Variants in HDAC4 observed in about 807,000 individuals in gnomAD.
The protein encoded by HDAC4 is histone deacetylase A.
In HDAC4, 16 loss-of-function variants were observed where a neutral mutation model predicts 135.1. The observed-to-expected ratio is 0.12, with a 90% CI of 0.08 to 0.18. The LOEUF (loss-of-function observed/expected upper bound fraction) is 0.18. HDAC4 is among the 10% of genes least tolerant of loss of function. The pLI is 1.00. For synonymous variants in HDAC4, 685 were observed against 653.4 expected, an observed-to-expected ratio of 1.05 and a Z score of -0.74; for missense variants, 1,143 against 1,511.8, an observed-to-expected ratio of 0.76 and a Z score of 4.05.
chr2:239,242,171 A>G (rs369680313), intron 2 of HDAC4, among the ~76,000 whole-genome samples: 2 of 147,326 alleles, frequency 1.4e-5, no homozygotes, highest in Non-Finnish European at 3.0e-5. Flanking sequence ...AGAAAAGAGA[A>G]AGAAAGAGAG....
intron 12 of HDAC4, among the ~76,000 whole-genome samples, chr2:239,125,089 G>T (rs375272552): frequency 6.6e-6 from 1 of 152,226 alleles, no homozygotes; most frequent in African/African-American, 2.4e-5. Context: ...TGGCTATCAC[G>T]ACTGATACGG....
chr2:239,267,261 C>T (rs189388452), intron 2 of HDAC4, among the ~76,000 whole-genome samples: 8 of 152,314 alleles, frequency 5.3e-5, no homozygotes, highest in African/African-American at 1.2e-4. Context: ...AATTACACTT[C>T]GTAAACACTA....
At chr2:239,128,860 G>C (rs1343034113) in intron 11 of HDAC4, among the ~76,000 whole-genome samples, 2 of 152,166 alleles carry the variant, frequency 1.3e-5, no homozygotes, top group African/African-American at 4.8e-5. Context: ...CAGCTTCCTG[G>C]TGTGACACAC....
chr2:239,083,708 C>G (rs2035582397), intron 20 of HDAC4, among the ~76,000 whole-genome samples: 1 of 152,076 alleles, frequency 6.6e-6, no homozygotes, highest in African/African-American at 2.4e-5. Context: ...GCAGTGGCAC[C>G]CCCCATTCCA....
intron 1 of HDAC4, among the ~76,000 whole-genome samples, chr2:239,384,635 C>T (rs1245816135): frequency 3.3e-5 from 5 of 151,884 alleles, no homozygotes. Flanking sequence ...GCAAAGGAAA[C>T]GGAAGAAAAG....
intron 16 of HDAC4, among the ~76,000 whole-genome samples, chr2:239,097,100 C>T (rs77969718): frequency 0.016 from 2,394 of 152,322 alleles, 27 homozygotes; most frequent in Middle Eastern, 0.031. Context: ...GATGCTGTGA[C>T]GTTTTCCAGA....
chr2:239,091,272 A>G (rs2036481272), intron 17 of HDAC4: 1 of 152,180 alleles, frequency 6.6e-6, no homozygotes, highest in Non-Finnish European at 1.5e-5. Context: ...GGAGGTGTTA[A>G]GATGAAATAC....
intron 2 of HDAC4, among the ~76,000 whole-genome samples, chr2:239,258,309 C>A (rs1388553134): frequency 6.6e-6 from 1 of 151,290 alleles, no homozygotes; most frequent in Middle Eastern, 3.2e-3. Context: ...AAAGGAGACA[C>A]TGAACGGGTC....
At chr2:239,217,574 C>T (rs1417212424) in intron 3 of HDAC4, among the ~76,000 whole-genome samples, 9 of 151,994 alleles carry the variant, frequency 5.9e-5, no homozygotes, top group African/African-American at 2.2e-4. Flanking sequence ...GTGTCTGTGC[C>T]GACGGGCTAC....
At chr2:239,366,668 A>G (rs10164440) in intron 1 of HDAC4, among the ~76,000 whole-genome samples, 11,421 of 152,252 alleles carry the variant, frequency 0.075, 956 homozygotes, top group African/African-American at 0.21. Context: ...AGACACACAG[A>G]AGGCCCAAGG....
Position 239,389,378 on chromosome 2 carries a change from C to T in HDAC4, c.-220+11600G>A, listed in dbSNP as rs527642038. Among the ~76,000 whole-genome samples, 8 of 152,276 alleles carry T rather than the reference C, an allele frequency of 5.3e-5. No individual in the cohort carries two copies. In the East Asian group the frequency reaches 1.4e-3, roughly 26 times the overall value. On this transcript the variant is annotated intron_variant, in intron 1 of 26. Transcript: ENST00000543185. Reference sequence around the variant, plus strand: ...AGTTGTAACACTTGCCGCGAAGGTCCGCAGCTTCATTCTTGAAGTCAGCAA... The same window carrying T: ...AGTTGTAACACTTGCCGCGAAGGTCTGCAGCTTCATTCTTGAAGTCAGCAA...
At chr2:239,116,633 G>A (rs1261469086) in intron 12 of HDAC4, among the ~76,000 whole-genome samples, 2 of 152,174 alleles carry the variant, frequency 1.3e-5, no homozygotes, top group African/African-American at 2.4e-5. Flanking sequence ...GCTTTCAAAC[G>A]GGCCAGTGGA....
chr2:239,238,193 C>CT (rs891980429), intron 2 of HDAC4, among the ~76,000 whole-genome samples: 1 of 151,936 alleles, frequency 6.6e-6, no homozygotes, highest in Non-Finnish European at 1.5e-5. Context: ...CTTTTCAAGC[C>CT]TTTTTTTCCC....
chr2:239,345,195 A>T (rs1288298701), intron 2 of HDAC4, among the ~76,000 whole-genome samples: 1 of 152,156 alleles, frequency 6.6e-6, no homozygotes, highest in Non-Finnish European at 1.5e-5. Flanking sequence ...CCAGAAGCTC[A>T]GAATCAAGGT....
At chr2:239,120,404 C>CACACACACACAG (rs1559466953) in intron 12 of HDAC4, among the ~76,000 whole-genome samples, 2 of 107,744 alleles carry the variant, frequency 1.9e-5, no homozygotes, top group Non-Finnish European at 3.8e-5. Context: ...CGCACACAGA[C>CACACACACACAG]ACACACACAC....
chr2:239,102,771 A>C lies in HDAC4; in HGVS notation c.2233+5T>G. On this transcript the variant is annotated splice_donor_5th_base_variant and intron_variant, in intron 16 of 26. Transcript: ENST00000543185. ...ATATGGGAGGAAAGGAAGGTCCTGA[A>C]ATACCTAGAAGTTTCTTACTGTCCA... 6.2e-7 allele frequency: 1 copy of C among 1,613,778 alleles called. No individual in the cohort carries two copies. The highest frequency in any genetic ancestry group is 8.5e-7 in the Non-Finnish European group (1 of 1,179,990).
At chr2:239,392,157 C>T (rs867308903) in intron 1 of HDAC4, among the ~76,000 whole-genome samples, 5 of 152,350 alleles carry the variant, frequency 3.3e-5, no homozygotes, top group East Asian at 1.9e-4. Context: ...ATGCACGTAA[C>T]GGCTCTGCAG....
chr2:239,139,772 C>G lies in HDAC4; in HGVS notation c.890G>C (p.Gly297Ala), dbSNP rs2041229085. Residue 297 changes from glycine to alanine, a missense_variant, in exon 9 of 27, where the codon GGC becomes GCC. Physicochemically the swap from Gly to Ala is moderately conservative, Grantham distance 60 (BLOSUM62 0). This residue lies in a region of HDAC4 where 272 missense variants were observed against 309.7 expected (regional missense o/e 0.88). Coordinates refer to ENST00000543185, the MANE Select transcript of HDAC4 (RefSeq NM_001378414.1). The surrounding 1 kb of genome is among the most constrained non-coding windows in gnomAD (Gnocchi z 5.3). The stretch of plus-strand genomic sequence containing the variant: ...GTTGTTGGGTGAGCTGGGTCCGGAG[C>G]CTGGGGCGCTGCTGCACGCGGAGTC... The part of the protein sequence containing the change: ...VTDSACSSAP[G>A]SGPSSPNNSS... 6.2e-7 allele frequency: 1 copy of G among 1,613,968 alleles called. No homozygotes were observed. The highest frequency in any genetic ancestry group is 8.5e-7 in the Non-Finnish European group (1 of 1,179,996).
rs1480175779 is a variant in HDAC4 at position 239,184,344 on chromosome 2, C to G, written c.339+5489G>C. 6.3e-5 allele frequency among the ~76,000 whole-genome samples: 9 copies of G among 142,016 alleles called. No individual in the cohort carries two copies. In the Middle Eastern group the frequency reaches 0.013, roughly 201 times the overall value. The allele number at this position is 142,016 out of a possible 152,430, so 93.2% of individuals were successfully genotyped here. On this transcript the variant is annotated intron_variant, in intron 4 of 26. Coordinates refer to ENST00000543185, the MANE Select transcript of HDAC4 (RefSeq NM_001378414.1). ...GTCCTATGGTGGTGGGGGGGTCCCT[C>G]AGTGTCTGTCTTGGAGGCTGTGCCC...
Sources: gnomAD v4.1 joint callset for allele counts (sites outside exome capture counted in the v4.1 genomes callset) on GRCh38, gnomAD v4.1.1 for gene constraint, gnomAD v4.1.1 regional missense constraint, Gnocchi (gnomAD v3.1) non-coding constraint, MANE v1.5 for transcripts, NCBI Gene and HGNC (gene_info 2026-07-23, HGNC 2026-07-21) for gene names.